Variants in DHRS4L2 observed in about 807,000 individuals in gnomAD.
DHRS4L2 encodes the protein dehydrogenase/reductase SDR family member 4-like 2.
DHRS4L2 carries 22 observed loss-of-function variants against 23.9 expected under a neutral mutation model. The observed-to-expected ratio is 0.92, with a 90% CI of 0.66 to 1.31. The LOEUF is 1.31. Ranked by LOEUF, DHRS4L2 falls within the 40% of genes most tolerant of loss-of-function variation. The pLI is 0.00. For synonymous variants in DHRS4L2, 141 were observed against 123.7 expected, an observed-to-expected ratio of 1.14 and a Z score of -0.93; for missense variants, 385 against 303.3, an observed-to-expected ratio of 1.27 and a Z score of -2.00.
chr14:23,985,644 T>C (rs1483454786), upstream of DHRS4L2, among the ~76,000 whole-genome samples: 1 of 151,716 alleles, frequency 6.6e-6, no homozygotes, highest in Non-Finnish European at 1.5e-5. Flanking sequence ...CCATTGCCTA[T>C]TACAGTTCCC....
intron 1 of DHRS4L2, among the ~76,000 whole-genome samples, chr14:23,977,393 G>C (rs1306089662): frequency 6.6e-6 from 1 of 151,698 alleles, no homozygotes; most frequent in Non-Finnish European, 1.5e-5. Context: ...GCAAGTTGCA[G>C]TTCTGCAAGT....
upstream of DHRS4L2, among the ~76,000 whole-genome samples, chr14:23,986,536 A>T: frequency 6.6e-6 from 1 of 151,270 alleles, no homozygotes; most frequent in Admixed American, 6.6e-5. Flanking sequence ...AAAGAAAGAA[A>T]AAGAAATAGT....
At chr14:23,986,223 T>G (rs1368015850), upstream of DHRS4L2, among the ~76,000 whole-genome samples, 1 of 151,324 alleles carries the variant, frequency 6.6e-6, no homozygotes, top group African/African-American at 2.4e-5. Context: ...ATTCCCATAC[T>G]TCTTGACTTC....
intron 1 of DHRS4L2, chr14:23,970,338 G>T: frequency 4.6e-6 from 2 of 430,160 alleles, no homozygotes; most frequent in South Asian, 3.3e-5. Context: ...GACAGGTAGG[G>T]TGGAGAGGGC....
chr14:23,990,242 C>G lies in DHRS4L2; in HGVS notation c.189C>G (p.Ser63Arg). Residue 63 changes from serine (S) to arginine (R), a missense_variant, in exon 2 of 8, where the codon AGC (serine) becomes AGG (arginine). By Grantham distance (110) the Ser-to-Arg change is moderately radical (BLOSUM62 -1). Coordinates refer to ENST00000335125, the MANE Select transcript of DHRS4L2 (RefSeq NM_198083.4). ...AQDRAHVVVS[S>R]RKQQNVDQAV... is the part of the protein sequence containing the mutation. ...ACAGGGCCCACGTGGTCGTCAGCAG[C>G]CGGAAGCAGCAGAATGTGGACCAGG... 3 of 1,612,860 alleles carry G rather than the reference C, an allele frequency of 1.9e-6. No individual in the cohort carries two copies. Among genetic ancestry groups the G allele is most frequent in the Non-Finnish European group, 2.5e-6 (3 of 1,179,364 alleles).
chr14:23,989,118 A>C (rs1338091312), intron 1 of DHRS4L2, 43 bp downstream of exon 1: 2 of 1,548,298 alleles, frequency 1.3e-6, no homozygotes, highest in Non-Finnish European at 1.7e-6. Flanking sequence ...GGCTGCCTGG[A>C]AACATGCACT....
chr14:23,994,652 T>A (rs2034341270), intron 2 of DHRS4L2, among the ~76,000 whole-genome samples: 1 of 151,104 alleles, frequency 6.6e-6, no homozygotes, highest in African/African-American at 2.4e-5. Context: ...CATGCCACTG[T>A]GCTCCAGTCT....
At position 24,001,416 on chromosome 14, in the gene DHRS4L2, C is replaced by T. The variant is rs1426826841; in HGVS notation, c.564C>T (p.Ala188=). Residue 188 remains alanine, a synonymous_variant, in exon 6 of 8, where the codon GCC becomes GCT. Transcript: ENST00000335125. Reference sequence around the variant, plus strand: ...GTCCTTACAATGTCAGTAAAACAGCCTTGCTGGGCCTCAACAATACCCTGG... The same window carrying T: ...GTCCTTACAATGTCAGTAAAACAGCTTTGCTGGGCCTCAACAATACCCTGG... ...GFSPYNVSKT[A]LLGLNNTLAI... 1.9e-6 allele frequency: 3 copies of T among 1,608,054 alleles called. No individual in the cohort carries two copies. Among genetic ancestry groups the T allele is most frequent in the African/African-American group, 1.4e-5 (1 of 70,948 alleles).
At chr14:23,990,989 A>C (rs2034257925) in intron 2 of DHRS4L2, 1 of 683,018 alleles carries the variant, frequency 1.5e-6, no homozygotes, top group South Asian at 6.6e-5. Context: ...TACATAAGTC[A>C]ATGTCATAAT....
Position 23,995,055 on chromosome 14 carries a change from C to T in DHRS4L2, c.330C>T (p.Ile110=), listed in dbSNP as rs370782611. The T allele has an allele frequency of 8.7e-6, 14 of 1,612,772 alleles. No homozygotes were observed. The highest frequency in any genetic ancestry group is 1.6e-4 in the Middle Eastern group (1 of 6,080). The change falls in exon 3 of 8, where the codon ATC becomes ATT. Residue 110 remains isoleucine (I), a synonymous_variant. Transcript: ENST00000335125. ...AGGCTGTGAAGCTTCATGGAGGTAT[C>T]GATATCCTAGTCTCCAATGCTGCTG... The part of the protein sequence containing the change: ...VAMAVKLHGG[I]DILVSNAAVN...
intron 1 of DHRS4L2, among the ~76,000 whole-genome samples, chr14:23,972,500 G>T (rs988019845): frequency 4.6e-5 from 7 of 151,950 alleles, no homozygotes; most frequent in Non-Finnish European, 8.8e-5. Flanking sequence ...GCAGCAGCAA[G>T]ATTTATTGCA....
At chr14:24,004,584 A>G in intron 7 of DHRS4L2, 192 bp downstream of exon 7, 1 of 877,212 alleles carries the variant, frequency 1.1e-6, no homozygotes, top group Non-Finnish European at 1.8e-6. Flanking sequence ...TTCCAAAGGT[A>G]AACACAGAGA....
intron 2 of DHRS4L2, among the ~76,000 whole-genome samples, 166 bp from the exon 3 acceptor site, chr14:23,994,866 C>T (rs1364592282): frequency 2.6e-5 from 4 of 151,648 alleles, no homozygotes; most frequent in Admixed American, 2.0e-4. Context: ...CCAGGCTTCT[C>T]TCAAATTCCT....
At chr14:23,999,614 C>T (rs932054346) in intron 3 of DHRS4L2, among the ~76,000 whole-genome samples, 3 of 140,908 alleles carry the variant, frequency 2.1e-5, no homozygotes, top group African/African-American at 5.3e-5. Context: ...AAAGAAAATC[C>T]TTACTCTTTG....
chr14:24,006,238 C>G lies in DHRS4L2; in HGVS notation c.*375C>G, dbSNP rs1294571514. On this transcript the variant is annotated 3_prime_UTR_variant, in exon 8 of 8. Coordinates refer to ENST00000335125, the MANE Select transcript of DHRS4L2 (RefSeq NM_198083.4). ...TGAGAACACAGGACAGGCCTGCTGA[C>G]AAGGCTGAGTCTACCTTGGCAAAGA... 1.1e-5 allele frequency: 6 copies of G among 559,476 alleles called. No homozygotes were observed. The highest frequency in any genetic ancestry group is 1.7e-5 in the Non-Finnish European group (6 of 346,734). 34.7% of individuals were successfully genotyped at this position (559,476 alleles called of 1,614,324 possible).
intron 3 of DHRS4L2, among the ~76,000 whole-genome samples, chr14:24,000,058 T>G (rs1361641131): frequency 7.2e-6 from 1 of 139,630 alleles, no homozygotes; most frequent in East Asian, 2.0e-4. Context: ...TTGATTTTAT[T>G]ATATAAAATC....
rs574922051 is a variant in DHRS4L2, at chr14:23,989,322, C to A, written c.128+247C>A. On this transcript the variant is annotated intron_variant, in intron 1 of 7. Transcript: ENST00000335125. ...CTCTGTGCAGCCCCATCGATCTAGT[C>A]CCCCCAGTGTTCTGGGCTGCCCCAG... 5.3e-4 allele frequency among the ~76,000 whole-genome samples: 80 copies of A among 151,798 alleles called. 1 individual carries two copies. The highest frequency in any genetic ancestry group is 1.9e-3 in the African/African-American group (78 of 41,428).
At chr14:24,004,577 C>T in intron 7 of DHRS4L2, 185 bp downstream of exon 7, 1 of 878,816 alleles carries the variant, frequency 1.1e-6, no homozygotes, top group Non-Finnish European at 1.7e-6. Context: ...CTTCCCTTTC[C>T]AAAGGTAAAC....
At chr14:23,989,428 C>T (rs1438751811) in intron 1 of DHRS4L2, among the ~76,000 whole-genome samples, 1 of 151,568 alleles carries the variant, frequency 6.6e-6, no homozygotes, top group African/African-American at 2.4e-5. Context: ...TATAACAAGG[C>T]CTCCAGCTTT....
Sources: allele counts gnomAD v4.1 joint callset (sites outside exome capture counted in the v4.1 genomes callset), GRCh38; gene constraint gnomAD v4.1.1; transcripts MANE v1.5; gene names NCBI Gene and HGNC (gene_info 2026-07-23, HGNC 2026-07-21).